The following CNTN5 variants were observed in gnomAD, a reference collection of about 807,000 sequenced individuals.
CNTN5 encodes contactin-5.
In CNTN5, 77 loss-of-function variants were observed where a neutral mutation model predicts 129.1. The ratio of observed to expected loss-of-function variants is 0.60; its 90% CI spans 0.50 to 0.72. The LOEUF is 0.72. CNTN5 is among the 30% of genes least tolerant of loss of function. The pLI is 0.00. For missense variants in CNTN5, 1,478 were observed against 1,328.8 expected (o/e 1.11, Z -1.75); for synonymous variants, 509 against 465.6 (o/e 1.09, Z -1.20).
At chr11:99,996,046 C>A (rs1939422423) in intron 8 of CNTN5, among the ~76,000 whole-genome samples, 1 of 152,172 alleles carries the variant, frequency 6.6e-6, no homozygotes, top group Non-Finnish European at 1.5e-5. Flanking sequence ...TGAAGCTCAT[C>A]AGCATTTCTA....
intron 16 of CNTN5, among the ~76,000 whole-genome samples, chr11:100,252,397 G>A (rs1219478806): frequency 6.6e-6 from 1 of 152,030 alleles, no homozygotes; most frequent in Admixed American, 6.6e-5. Flanking sequence ...TTCTTTTGCT[G>A]TGAGGAGCTT....
intron 9 of CNTN5, among the ~76,000 whole-genome samples, chr11:100,045,252 A>C (rs2137704062): frequency 6.6e-6 from 1 of 152,296 alleles, no homozygotes; most frequent in African/African-American, 2.4e-5. Context: ...AAGTCAATGG[A>C]TATACCACAG....
At chr11:99,560,268 G>GTATTATTATTATTAT (rs35741733) in intron 3 of CNTN5, among the ~76,000 whole-genome samples, 1 of 141,978 alleles carries the variant, frequency 7.0e-6, no homozygotes, top group East Asian at 2.1e-4. Context: ...GAATCTAACT[G>GTATTATTATTATTAT]TATTATTATT....
intron 3 of CNTN5, among the ~76,000 whole-genome samples, chr11:99,592,902 G>T (rs966895100): frequency 6.6e-6 from 1 of 152,106 alleles, no homozygotes; most frequent in East Asian, 1.9e-4. Context: ...GAGCTTAATT[G>T]TCAGCTTCTG....
rs922501682 is a variant in CNTN5, at chr11:99,647,222, A to C, written c.55+90953A>C. Among the ~76,000 whole-genome samples, 11 of 152,108 alleles carry C rather than the reference A, an allele frequency of 7.2e-5. 1 individual carries two copies. Among genetic ancestry groups the C allele is most frequent in the African/African-American group, 2.6e-4 (11 of 41,536 alleles). ...TTCAGTCTATTTAGTGCTTCAATAC[A>C]TTTGGTAAAGGGTGTAGTTTCACTC... On this transcript the variant is annotated intron_variant, in intron 3 of 24. Coordinates refer to ENST00000524871, the MANE Select transcript of CNTN5 (RefSeq NM_014361.4).
rs149312602 is a variant in CNTN5 at position 99,410,516 on chromosome 11, T to C, written c.-71+85032T>C. On this transcript the variant is annotated intron_variant, in intron 2 of 24. Coordinates refer to ENST00000524871, the MANE Select transcript of CNTN5 (RefSeq NM_014361.4). Reference sequence around the variant, plus strand: ...CTGTGGAACAAAAGGTTTCTAAATGTATTTTTTTTGCAAGTATTTATTCTT... The same window carrying C: ...CTGTGGAACAAAAGGTTTCTAAATGCATTTTTTTTGCAAGTATTTATTCTT... Among the ~76,000 whole-genome samples, 973 of 152,132 alleles carry C rather than the reference T, an allele frequency of 6.4e-3. 13 individuals are homozygous for C. Among genetic ancestry groups the C allele is most frequent in the African/African-American group, 0.021 (885 of 41,438 alleles).
intron 1 of CNTN5, among the ~76,000 whole-genome samples, chr11:99,174,081 C>T (rs932415531): frequency 6.6e-6 from 1 of 152,140 alleles, no homozygotes; most frequent in Admixed American, 6.5e-5. Flanking sequence ...TCACTGCAAT[C>T]ACCGCCTCCC....
At chr11:99,636,260 C>G (rs1340299631) in intron 3 of CNTN5, among the ~76,000 whole-genome samples, 1 of 151,980 alleles carries the variant, frequency 6.6e-6, no homozygotes, top group Non-Finnish European at 1.5e-5. Context: ...ATTGGGTGGC[C>G]TAGCCAAATA....
At chr11:99,085,292 G>A (rs181710062) in intron 1 of CNTN5, among the ~76,000 whole-genome samples, 87 of 152,208 alleles carry the variant, frequency 5.7e-4, no homozygotes, top group Middle Eastern at 3.4e-3. Context: ...TGATCTGCCT[G>A]CCTCAGCCTC....
intron 1 of CNTN5, among the ~76,000 whole-genome samples, chr11:99,151,473 G>A (rs765674522): frequency 2.7e-4 from 41 of 152,096 alleles, no homozygotes; most frequent in Non-Finnish European, 5.3e-4. Context: ...ATTTTTGGTT[G>A]AGAAAGATAG....
chr11:99,382,845 C>CCTTTTTTTTTT lies in CNTN5; in HGVS notation c.-71+57361_-71+57362insCTTTTTTTTTT, dbSNP rs1417732458. On this transcript the variant is annotated intron_variant, in intron 2 of 24. Transcript: ENST00000524871. ...ACATCTCACTAGTGTCTCTAAATAA[C>CCTTTTTTTTTT]TTTTTTTTTTTTTTTTTTTTTTTTT... Among the ~76,000 whole-genome samples the CCTTTTTTTTTT allele has an allele frequency of 1.7e-3, 133 of 77,044 alleles. 17 individuals are homozygous for CCTTTTTTTTTT. The East Asian group carries it at 0.052, about 30-fold the overall frequency. 50.5% of individuals were successfully genotyped at this position (77,044 alleles called of 152,430 possible).
intron 3 of CNTN5, among the ~76,000 whole-genome samples, chr11:99,629,236 G>A (rs1169551825): frequency 6.6e-6 from 1 of 151,908 alleles, no homozygotes; most frequent in Non-Finnish European, 1.5e-5. Context: ...TTGAATTAAG[G>A]CATTTTGGAT....
At chr11:99,326,135 C>G (rs946731074) in intron 2 of CNTN5, among the ~76,000 whole-genome samples, 3 of 152,172 alleles carry the variant, frequency 2.0e-5, no homozygotes, top group Non-Finnish European at 4.4e-5. Context: ...AAAATGAATA[C>G]TCTAAAATAC....
chr11:99,843,625 A>G (rs1947585954), intron 4 of CNTN5, among the ~76,000 whole-genome samples: 2 of 152,120 alleles, frequency 1.3e-5, no homozygotes, highest in African/African-American at 4.8e-5. Flanking sequence ...GGTCATTTTG[A>G]TCCTAGAGCA....
intron 13 of CNTN5, among the ~76,000 whole-genome samples, chr11:100,123,562 T>C (rs1341610975): frequency 6.6e-6 from 1 of 152,024 alleles, no homozygotes; most frequent in Non-Finnish European, 1.5e-5. Flanking sequence ...CTTCCCTAAA[T>C]TTTTTATTGA....
At chr11:99,950,216 C>A (rs1485794428) in intron 7 of CNTN5, among the ~76,000 whole-genome samples, 2 of 152,166 alleles carry the variant, frequency 1.3e-5, no homozygotes, top group Non-Finnish European at 2.9e-5. Context: ...CAGTGGCTCA[C>A]GCCTGTAATC....
At chr11:99,757,060 C>A (rs1011159454) in intron 3 of CNTN5, among the ~76,000 whole-genome samples, 1 of 151,836 alleles carries the variant, frequency 6.6e-6, no homozygotes, top group Non-Finnish European at 1.5e-5. Context: ...TAGCACAAAC[C>A]AGATGAGTTA....
In CNTN5 at chr11:100,348,033, T is replaced by A. The variant is rs1029588021; in HGVS notation, c.3031-2669T>A. On this transcript the variant is annotated intron_variant, in intron 23 of 24. Transcript: ENST00000524871. ...TTCTATTTAGGATCATCTCTTTAGA[T>A]AACCCACTGCTCTCAGTTTTTTTTT... 5.9e-5 allele frequency among the ~76,000 whole-genome samples: 9 copies of A among 152,040 alleles called. No individual in the cohort carries two copies. The South Asian group carries it at 6.2e-4, about 11-fold the overall frequency.
chr11:99,973,835 G>C (rs1414268429), intron 8 of CNTN5, among the ~76,000 whole-genome samples: 1 of 152,138 alleles, frequency 6.6e-6, no homozygotes, highest in Non-Finnish European at 1.5e-5. Flanking sequence ...GTTTCTTCCA[G>C]AGTTCACTCC....
Sources: allele counts gnomAD v4.1 joint callset (sites outside exome capture counted in the v4.1 genomes callset), GRCh38; gene constraint gnomAD v4.1.1; transcripts MANE v1.5; gene names NCBI Gene and HGNC (gene_info 2026-07-23, HGNC 2026-07-21).